The following PRR14L variants were observed in gnomAD, a reference collection of about 807,000 sequenced individuals.
PRR14L encodes the protein proline rich 14 like, also known as protein PRR14L.
Under a neutral mutation model 155.0 loss-of-function variants are expected in PRR14L, and 80 were observed. The observed-to-expected ratio is 0.52, with a 90% CI of 0.43 to 0.62. The LOEUF (loss-of-function observed/expected upper bound fraction) is 0.62. Among genes scored for constraint, PRR14L ranks in the 20% least tolerant of loss-of-function variants. PRR14L has a pLI of 0.00. For missense variants in PRR14L, 2,469 were observed against 2,548.0 expected, an observed-to-expected ratio of 0.97 and a Z score of 0.67; for synonymous variants, 883 against 916.0, an observed-to-expected ratio of 0.96 and a Z score of 0.65.
At chr22:31,704,792 G>A in intron 4 of PRR14L, 66 bp from the exon 5 acceptor site, 1 of 1,234,348 alleles carries the variant, frequency 8.1e-7, no homozygotes. Flanking sequence ...AGGTTTTGAT[G>A]TTATTGTGGG....
intron 2 of PRR14L, among the ~76,000 whole-genome samples, chr22:31,731,212 T>C (rs2074747211): frequency 6.6e-6 from 1 of 152,174 alleles, no homozygotes; most frequent in Non-Finnish European, 1.5e-5. Context: ...TGTCTGTTGC[T>C]ACCTCTAGGC....
rs1285006288 is a variant in PRR14L at position 31,682,653 on chromosome 22, C to G, written c.*2874G>C. The G allele has an allele frequency of 1.3e-5, 2 of 152,106 alleles. No homozygotes were observed. The highest frequency in any genetic ancestry group is 2.9e-5 in the Non-Finnish European group (2 of 68,014). 9.4% of individuals were successfully genotyped at this position (152,106 alleles called of 1,614,324 possible). ...TCAGTGAAAAGCTGATGGGCAGAAC[C>G]CTGATTAGACCTGAGATTTCTCCTC... is the stretch of plus-strand genomic sequence containing the variant. On this transcript the variant is annotated 3_prime_UTR_variant, in exon 9 of 9. Transcript: ENST00000327423.
At chr22:31,742,012 A>C (rs553328249) in intron 1 of PRR14L, among the ~76,000 whole-genome samples, 2 of 151,950 alleles carry the variant, frequency 1.3e-5, no homozygotes, top group African/African-American at 4.8e-5. Flanking sequence ...GGGATGGGGG[A>C]GGTTAGTAGA....
chr22:31,707,397 GGGAGAC>G (rs2074598035), intron 4 of PRR14L, among the ~76,000 whole-genome samples: 1 of 151,796 alleles, frequency 6.6e-6, no homozygotes, highest in Non-Finnish European at 1.5e-5. Flanking sequence ...TATTTTTTTT[GGGAGAC>G]GGAGACTCGC....
intron 3 of PRR14L, among the ~76,000 whole-genome samples, chr22:31,720,370 C>T (rs756466900): frequency 6.6e-6 from 1 of 152,192 alleles, no homozygotes; most frequent in Admixed American, 6.5e-5. Flanking sequence ...ATTCAACACA[C>T]AATACTTATC....
chr22:31,699,284 C>G (rs1390722700), intron 7 of PRR14L, among the ~76,000 whole-genome samples: 1 of 152,110 alleles, frequency 6.6e-6, no homozygotes, highest in Non-Finnish European at 1.5e-5. Flanking sequence ...ATGATCCACC[C>G]ACCTCAGCCT....
chr22:31,715,066 C>A lies in PRR14L; in HGVS notation c.2773G>T (p.Ala925Ser), dbSNP rs746558929. ...ACAGTCTGGTTTAGTTCTTGTATAG[C>A]ATGATCAGAGATGTTATACTTACAA... ...VFCKYNISDH[A>S]IQELNQTVNI... Residue 925 changes from alanine to serine, a missense_variant, in exon 4 of 9, where the codon GCT (alanine) becomes TCT (serine). Coordinates refer to ENST00000327423, the MANE Select transcript of PRR14L (RefSeq NM_173566.3). 73 of 1,551,574 alleles carry A rather than the reference C, an allele frequency of 4.7e-5. No homozygotes were observed. The highest frequency in any genetic ancestry group is 6.4e-5 in the Non-Finnish European group (73 of 1,146,834).
intron 6 of PRR14L, 48 bp from the exon 7 acceptor site, chr22:31,701,810 T>C: frequency 1.4e-6 from 2 of 1,452,454 alleles, no homozygotes; most frequent in Non-Finnish European, 1.9e-6. Flanking sequence ...TAAGACATTT[T>C]ATTTATATAT....
At position 31,698,059 on chromosome 22, in the gene PRR14L, TC is replaced by T. The variant is rs199752862; in HGVS notation, c.6107+3596del. On this transcript the variant is annotated intron_variant, in intron 7 of 8. Transcript: ENST00000327423. ...ATCTGATCCTATAAGATGTTGTAAT[TC>T]TTTTTTTTTTTTGAGATGGAGTGGC... 2.2e-3 allele frequency among the ~76,000 whole-genome samples: 165 copies of T among 74,004 alleles called. 1 individual carries two copies. Among genetic ancestry groups the T allele is most frequent in the Admixed American group, 7.1e-3 (49 of 6,940 alleles). The allele number at this position is 74,004 out of a possible 152,430, so 48.5% of individuals were successfully genotyped here.
chr22:31,732,516 A>C (rs1039179833), intron 2 of PRR14L, among the ~76,000 whole-genome samples: 1 of 152,168 alleles, frequency 6.6e-6, no homozygotes, highest in Non-Finnish European at 1.5e-5. Flanking sequence ...CCCACTAACA[A>C]ACTTCCATGG....
intron 1 of PRR14L, among the ~76,000 whole-genome samples, chr22:31,749,225 A>G (rs115001758): frequency 6.6e-6 from 1 of 152,300 alleles, no homozygotes; most frequent in African/African-American, 2.4e-5. Context: ...CAAAGACGTT[A>G]AGTGAGAGAC....
rs979650322 is a variant in PRR14L, at chr22:31,731,961, T to C, written c.475-6351A>G. On this transcript the variant is annotated intron_variant, in intron 2 of 8. Coordinates refer to ENST00000327423, the MANE Select transcript of PRR14L (RefSeq NM_173566.3). ...TTGGGCCCATCTCACATCCCAGTTG[T>C]CTAGTTAGTTATTTTTCAAGTATGA... is the stretch of plus-strand genomic sequence containing the variant. Among the ~76,000 whole-genome samples, 4 of 152,188 alleles carry C rather than the reference T, an allele frequency of 2.6e-5. No homozygotes were observed. In the East Asian group the frequency reaches 7.7e-4, roughly 29 times the overall value.
At chr22:31,721,778 G>C (rs150997043) in intron 3 of PRR14L, among the ~76,000 whole-genome samples, 34 of 152,158 alleles carry the variant, frequency 2.2e-4, no homozygotes, top group African/African-American at 7.0e-4. Flanking sequence ...CAAATTATAC[G>C]ATGTATTATC....
rs1601505742 is a variant in PRR14L, at chr22:31,716,341, T to C, written c.1498A>G (p.Met500Val). The change falls in exon 4 of 9, where the codon ATG becomes GTG. Residue 500 changes from methionine to valine, a missense_variant. Coordinates refer to ENST00000327423, the MANE Select transcript of PRR14L (RefSeq NM_173566.3). ...TCAGAGTGTCCACCAGGATGGCTCA[T>C]ATTAGTAAAAGTTTCTTTATGGTCC... is the stretch of plus-strand genomic sequence containing the variant. ...PEDHKETFTN[M>V]SHPGGHSEES... 1 of 1,551,334 alleles carries C rather than the reference T, an allele frequency of 6.4e-7. No individual in the cohort carries two copies. Among genetic ancestry groups the C allele is most frequent in the Non-Finnish European group, 8.7e-7 (1 of 1,146,882 alleles).
intron 2 of PRR14L, among the ~76,000 whole-genome samples, chr22:31,730,794 A>T (rs2147872256): frequency 6.6e-6 from 1 of 152,292 alleles, no homozygotes; most frequent in South Asian, 2.1e-4. Context: ...TATTTCCATC[A>T]TTCCATATAT....
intron 8 of PRR14L, 145 bp downstream of exon 8, chr22:31,688,011 G>A (rs1251259394): frequency 3.1e-5 from 23 of 734,896 alleles, no homozygotes; most frequent in East Asian, 1.6e-4. Context: ...CAGCCTGGGC[G>A]ACAGAGACTC....
At position 31,713,321 on chromosome 22, in the gene PRR14L, T is replaced by C. The variant is rs1277743871; in HGVS notation, c.4518A>G (p.Ile1506Met). ...QDPSSAGCDQ[I>M]HGAFAKKGVL... Reference sequence around the variant, plus strand: ...CTCCTTTCTTCGCAAAGGCACCATGTATTTGATCACACCCAGCAGAGGAGG... The same window carrying C: ...CTCCTTTCTTCGCAAAGGCACCATGCATTTGATCACACCCAGCAGAGGAGG... The change falls in exon 4 of 9, where the codon ATA (isoleucine) becomes ATG (methionine). Residue 1506 changes from isoleucine to methionine, a missense_variant. By Grantham distance (10) the Ile-to-Met change is conservative (BLOSUM62 1). Coordinates refer to ENST00000327423, the MANE Select transcript of PRR14L (RefSeq NM_173566.3). 1.3e-6 allele frequency: 2 copies of C among 1,552,232 alleles called. No individual in the cohort carries two copies. The highest frequency in any genetic ancestry group is 2.4e-5 in the East Asian group (1 of 40,936).
At chr22:31,749,137 C>A (rs1435659583) in intron 1 of PRR14L, among the ~76,000 whole-genome samples, 3 of 152,200 alleles carry the variant, frequency 2.0e-5, no homozygotes, top group African/African-American at 2.4e-5. Context: ...CCTTAGCCCG[C>A]ATGACAATTC....
chr22:31,699,517 G>A (rs949156293), intron 7 of PRR14L, among the ~76,000 whole-genome samples: 11 of 152,234 alleles, frequency 7.2e-5, no homozygotes, highest in African/African-American at 2.4e-4. Context: ...GATGAGGGAT[G>A]CTGGTAAGTA....
Sources: gnomAD v4.1 joint callset for allele counts (sites outside exome capture counted in the v4.1 genomes callset) on GRCh38, gnomAD v4.1.1 for gene constraint, MANE v1.5 for transcripts, NCBI Gene and HGNC (gene_info 2026-07-23, HGNC 2026-07-21) for gene names.